The following SUCLA2 variants were observed in gnomAD, a reference collection of about 807,000 sequenced individuals.
The protein encoded by SUCLA2 is succinate-CoA ligase ADP-forming subunit beta, also known as succinate--CoA ligase [ADP-forming] subunit beta, mitochondrial.
SUCLA2 carries 30 observed loss-of-function variants against 54.8 expected under a neutral mutation model. The observed-to-expected ratio is 0.55, with a 90% confidence interval of 0.41 to 0.74. SUCLA2 has a LOEUF of 0.74. SUCLA2 is among the 30% of genes least tolerant of loss of function. The pLI, the probability that SUCLA2 is intolerant of heterozygous loss-of-function variation, is 0.00. For synonymous variants in SUCLA2, 172 were observed against 188.9 expected, an observed-to-expected ratio of 0.91 and a Z score of 0.74; for missense variants, 476 against 562.9, an observed-to-expected ratio of 0.85 and a Z score of 1.56.
At position 47,988,595 on chromosome 13, in the gene SUCLA2, T is replaced by C; in HGVS notation, c.480A>G (p.Arg160=). 3 of 1,614,002 alleles carry C rather than the reference T, an allele frequency of 1.9e-6. No homozygotes were observed. The highest frequency in any genetic ancestry group is 2.5e-6 in the Non-Finnish European group (3 of 1,179,962). ...RICNQVLVCE[R]KYPRREYYFA... ...AGTAGTATTCTCTCCTGGGATATTTTCGCTCACAGACCAATACTTGATTGC... is the reference window on the plus strand; with the variant it reads ...AGTAGTATTCTCTCCTGGGATATTTCCGCTCACAGACCAATACTTGATTGC... Residue 160 remains arginine (R), a synonymous_variant, in exon 4 of 11, where the codon CGA becomes CGG. Coordinates refer to ENST00000646932, the MANE Select transcript of SUCLA2 (RefSeq NM_003850.3).
At chr13:47,999,579 C>T (rs1177579371) in intron 1 of SUCLA2, among the ~76,000 whole-genome samples, 1 of 151,966 alleles carries the variant, frequency 6.6e-6, no homozygotes, top group Non-Finnish European at 1.5e-5. Context: ...TGGTGGCAGG[C>T]GCCTGCAGTC....
At chr13:47,982,758 T>G (rs937704877) in intron 4 of SUCLA2, among the ~76,000 whole-genome samples, 2 of 151,746 alleles carry the variant, frequency 1.3e-5, no homozygotes, top group African/African-American at 2.4e-5. Flanking sequence ...GAGCTTTGGG[T>G]TGGCAATATT....
intron 6 of SUCLA2, among the ~76,000 whole-genome samples, chr13:47,967,471 G>C (rs1205304348): frequency 6.6e-6 from 1 of 151,824 alleles, no homozygotes; most frequent in Non-Finnish European, 1.5e-5. Context: ...TGACCCAAAA[G>C]AAAAAAACAG....
At chr13:47,971,949 T>C (rs1048920948) in intron 5 of SUCLA2, 1 of 398,428 alleles carries the variant, frequency 2.5e-6, no homozygotes, top group Non-Finnish European at 4.4e-6. Context: ...ATGAGACTTA[T>C]CAGTCAACAA....
chr13:47,960,864 G>A (rs1488563700), intron 6 of SUCLA2, among the ~76,000 whole-genome samples: 1 of 152,204 alleles, frequency 6.6e-6, no homozygotes, highest in African/African-American at 2.4e-5. Flanking sequence ...AGGGCCAGAA[G>A]TTAAAACGAT....
intron 1 of SUCLA2, chr13:48,000,881 C>G (rs889162858): frequency 1.6e-6 from 2 of 1,263,270 alleles, no homozygotes; most frequent in African/African-American, 3.1e-5. Context: ...AATGTCCTGA[C>G]CCCCTCACCT....
intron 1 of SUCLA2, among the ~76,000 whole-genome samples, chr13:48,000,018 A>G (rs1950217805): frequency 6.6e-6 from 1 of 152,160 alleles, no homozygotes; most frequent in South Asian, 2.1e-4. Context: ...AAAACTAAAT[A>G]GCACTCTTCT....
chr13:47,996,745 T>A lies in SUCLA2; in HGVS notation c.271+98A>T, dbSNP rs535182830. 4.1e-4 allele frequency: 459 copies of A among 1,122,944 alleles called. 2 individuals are homozygous for A. Among genetic ancestry groups the A allele is most frequent in the South Asian group, 1.5e-3 (100 of 65,822 alleles). 69.6% of individuals were successfully genotyped at this position (1,122,944 alleles called of 1,614,324 possible). On this transcript the variant is annotated intron_variant, in intron 2 of 10. Transcript: ENST00000646932. ...TTAAGCAAAGAAAATGTATTTTTTT[T>A]AAAAAAAAGCTAAAAGTTGTTATCA...
chr13:47,994,401 C>G (rs968217776), intron 2 of SUCLA2, among the ~76,000 whole-genome samples: 5 of 151,906 alleles, frequency 3.3e-5, no homozygotes, highest in African/African-American at 1.2e-4. Flanking sequence ...AACCCCGTCT[C>G]TACTAAAAAT....
In SUCLA2 at chr13:47,988,221, A is replaced by G. The variant is rs1593500139; in HGVS notation, c.534+320T>C. The G allele has an allele frequency of 1.8e-5, 7 of 388,338 alleles. No individual in the cohort carries two copies. In the East Asian group the frequency reaches 3.0e-4, roughly 17 times the overall value. The allele number at this position is 388,338 out of a possible 1,614,324, so 24.1% of individuals were successfully genotyped here. ...TTCTCTTTCATTAGAATATTTTACT[A>G]TGCTAGATATAATTTTCTCAATCTG... is the stretch of plus-strand genomic sequence containing the variant. On this transcript the variant is annotated intron_variant, in intron 4 of 10. Transcript: ENST00000646932.
chr13:47,979,194 G>C (rs569254679), intron 4 of SUCLA2, among the ~76,000 whole-genome samples: 1 of 152,152 alleles, frequency 6.6e-6, no homozygotes, highest in South Asian at 2.1e-4. Context: ...AAATCAGTAT[G>C]TTTATTGTGG....
intron 4 of SUCLA2, among the ~76,000 whole-genome samples, chr13:47,984,284 C>T (rs1593497865): frequency 6.6e-6 from 1 of 151,858 alleles, no homozygotes; most frequent in Non-Finnish European, 1.5e-5. Flanking sequence ...AGCTCCGTCT[C>T]CTGAGTTCAT....
At chr13:47,998,919 A>C (rs1181062279) in intron 1 of SUCLA2, among the ~76,000 whole-genome samples, 1 of 152,240 alleles carries the variant, frequency 6.6e-6, no homozygotes, top group East Asian at 1.9e-4. Context: ...AATAAAAATT[A>C]GTGGGTAGGG....
At chr13:47,948,022 T>G (rs1422214148) in intron 10 of SUCLA2, among the ~76,000 whole-genome samples, 1 of 152,166 alleles carries the variant, frequency 6.6e-6, no homozygotes, top group Non-Finnish European at 1.5e-5. Flanking sequence ...CAGACTGTAT[T>G]TTTATAAAAC....
In SUCLA2 at chr13:47,996,825, C is replaced by T. The variant is rs1950195169; in HGVS notation, c.271+18G>A. 2.5e-6 allele frequency: 4 copies of T among 1,611,852 alleles called. No homozygotes were observed. The highest frequency in any genetic ancestry group is 3.4e-6 in the Non-Finnish European group (4 of 1,179,640). On this transcript the variant is annotated intron_variant, in intron 2 of 10. Coordinates refer to ENST00000646932, the MANE Select transcript of SUCLA2 (RefSeq NM_003850.3). The stretch of plus-strand genomic sequence containing the variant: ...AGCTCTCATGTCAAGGTGGCAAAAG[C>T]TTTTCTTAATTTAGTACCTAATTTT...
At chr13:47,997,862 C>T (rs1223392654) in intron 1 of SUCLA2, among the ~76,000 whole-genome samples, 1 of 152,154 alleles carries the variant, frequency 6.6e-6, no homozygotes, top group Non-Finnish European at 1.5e-5. Context: ...TAACTGGGTG[C>T]TTGTAATCTG....
chr13:47,972,556 C>T (rs1949976044), intron 5 of SUCLA2, among the ~76,000 whole-genome samples: 1 of 150,874 alleles, frequency 6.6e-6, no homozygotes, highest in African/African-American at 2.4e-5. Flanking sequence ...GTAGTCCCAG[C>T]TACTTGGGAG....
intron 2 of SUCLA2, among the ~76,000 whole-genome samples, chr13:47,991,107 A>C (rs936250440): frequency 2.0e-5 from 3 of 152,160 alleles, no homozygotes; most frequent in African/African-American, 7.2e-5. Flanking sequence ...CTATCTCTTA[A>C]CTATATGACC....
At chr13:47,947,907 C>T (rs1949745730) in intron 10 of SUCLA2, among the ~76,000 whole-genome samples, 1 of 152,164 alleles carries the variant, frequency 6.6e-6, no homozygotes, top group African/African-American at 2.4e-5. Flanking sequence ...GGGAAACCAA[C>T]AGATTAAGAA....
Sources: gnomAD v4.1 joint callset for allele counts (sites outside exome capture counted in the v4.1 genomes callset) on GRCh38, gnomAD v4.1.1 for gene constraint, MANE v1.5 for transcripts, NCBI Gene and HGNC (gene_info 2026-07-23, HGNC 2026-07-21) for gene names.